Variants in ARSB observed in about 807,000 individuals in gnomAD.
ARSB encodes the protein N-acetylgalactosamine-4-sulfatase.
In ARSB, 41 loss-of-function variants were observed where a neutral mutation model predicts 50.9. That is an observed-to-expected ratio of 0.81 (90% CI 0.63 to 1.04). ARSB has a LOEUF of 1.04. ARSB is among the 50% of genes least tolerant of loss of function. ARSB has a pLI of 0.00. For missense variants in ARSB, 672 were observed against 693.3 expected (o/e 0.97, Z 0.35); for synonymous variants, 269 against 284.8 (o/e 0.94, Z 0.56).
intron 5 of ARSB, among the ~76,000 whole-genome samples, chr5:78,882,403 A>G (rs1747794348): frequency 6.6e-6 from 1 of 152,148 alleles, no homozygotes; most frequent in South Asian, 2.1e-4. Context: ...AGTTTGGGGT[A>G]TTGTTTTTCA....
intron 4 of ARSB, among the ~76,000 whole-genome samples, chr5:78,954,299 A>G (rs1751616089): frequency 6.6e-6 from 1 of 152,034 alleles, no homozygotes. Flanking sequence ...TGATGAATAA[A>G]TGATGATCTA....
intron 5 of ARSB, among the ~76,000 whole-genome samples, chr5:78,882,077 C>CA (rs1192807442): frequency 2.6e-5 from 4 of 152,252 alleles, no homozygotes; most frequent in Non-Finnish European, 5.9e-5. Context: ...TCTGGGCATG[C>CA]ATTCCTTCCT....
At chr5:78,831,593 G>T (rs539030075) in intron 6 of ARSB, among the ~76,000 whole-genome samples, 2 of 152,180 alleles carry the variant, frequency 1.3e-5, no homozygotes, top group East Asian at 3.9e-4. Context: ...GACACAAAGC[G>T]ATGAGACCTG....
intron 6 of ARSB, among the ~76,000 whole-genome samples, chr5:78,783,121 C>T (rs1432705336): frequency 6.6e-6 from 1 of 152,154 alleles, no homozygotes; most frequent in Non-Finnish European, 1.5e-5. Context: ...TTTAAGCCCA[C>T]ATTTATCTGT....
At chr5:78,938,832 T>C (rs1436502170) in intron 4 of ARSB, among the ~76,000 whole-genome samples, 1 of 152,178 alleles carries the variant, frequency 6.6e-6, no homozygotes, top group Non-Finnish European at 1.5e-5. Context: ...GTGCTAAAAG[T>C]TTAGACTCTG....
At chr5:78,868,058 A>T (rs1287530956) in intron 5 of ARSB, among the ~76,000 whole-genome samples, 2 of 141,076 alleles carry the variant, frequency 1.4e-5, no homozygotes, top group African/African-American at 5.4e-5. Flanking sequence ...AAGAAAGGGT[A>T]TCAGCAATGG....
intron 4 of ARSB, among the ~76,000 whole-genome samples, chr5:78,900,712 C>T (rs538791550): frequency 6.6e-6 from 1 of 152,076 alleles, no homozygotes; most frequent in Non-Finnish European, 1.5e-5. Context: ...TGAAATCCTG[C>T]ATTCCTTGAT....
intron 4 of ARSB, 120 bp downstream of exon 4, chr5:78,955,175 T>C (rs536856219): frequency 7.5e-6 from 7 of 928,662 alleles, no homozygotes; most frequent in East Asian, 5.2e-5. Context: ...GTCTCCACTA[T>C]TGCAGTTTGC....
At chr5:78,866,403 G>A (rs1007043479) in intron 5 of ARSB, among the ~76,000 whole-genome samples, 2 of 152,098 alleles carry the variant, frequency 1.3e-5, no homozygotes. Context: ...ACCTCCCACT[G>A]GGTCCCTGCC....
At chr5:78,872,513 G>T (rs1267426433) in intron 5 of ARSB, among the ~76,000 whole-genome samples, 2 of 134,298 alleles carry the variant, frequency 1.5e-5, no homozygotes, top group Non-Finnish European at 1.6e-5. Context: ...CATGTCCTTT[G>T]TAGGGACATG....
At chr5:78,962,266 A>G (rs1752019012) in intron 3 of ARSB, among the ~76,000 whole-genome samples, 2 of 152,228 alleles carry the variant, frequency 1.3e-5, no homozygotes, top group South Asian at 2.1e-4. Context: ...TGCATCCATA[A>G]AATGTCAAAT....
At chr5:78,855,059 G>C (rs944458459) in intron 5 of ARSB, among the ~76,000 whole-genome samples, 32 of 152,124 alleles carry the variant, frequency 2.1e-4, no homozygotes, top group African/African-American at 7.7e-4. Context: ...ACTTCAGGAG[G>C]CTAGTACAGC....
chr5:78,846,635 G>C (rs564132605), intron 5 of ARSB, among the ~76,000 whole-genome samples: 6 of 152,248 alleles, frequency 3.9e-5, no homozygotes, highest in African/African-American at 1.4e-4. Flanking sequence ...TTTATCAGTT[G>C]TAAGAGTTTT....
At chr5:78,904,685 C>CTTTTTTTTTT (rs55920994) in intron 4 of ARSB, among the ~76,000 whole-genome samples, 1 of 98,932 alleles carries the variant, frequency 1.0e-5, no homozygotes, top group African/African-American at 4.1e-5. Context: ...TTCTTTCTTT[C>CTTTTTTTTTT]TTTTTTTTTT....
intron 5 of ARSB, among the ~76,000 whole-genome samples, chr5:78,873,387 G>C (rs549318471): frequency 2.6e-5 from 4 of 151,106 alleles, no homozygotes; most frequent in African/African-American, 9.7e-5. Flanking sequence ...AAGAGGATAC[G>C]AGAGAAATTG....
chr5:78,893,614 T>C (rs1312370154), intron 4 of ARSB, among the ~76,000 whole-genome samples: 2 of 152,228 alleles, frequency 1.3e-5, no homozygotes, highest in Non-Finnish European at 2.9e-5. Flanking sequence ...GAAAACAGTG[T>C]CCTAATTTAT....
At chr5:78,946,171 T>C (rs2112455313) in intron 4 of ARSB, among the ~76,000 whole-genome samples, 1 of 152,336 alleles carries the variant, frequency 6.6e-6, no homozygotes, top group African/African-American at 2.4e-5. Flanking sequence ...CAAACTCTGA[T>C]CATGTTCTAT....
chr5:78,963,649 C>T (rs898731818), intron 3 of ARSB, among the ~76,000 whole-genome samples: 2 of 151,978 alleles, frequency 1.3e-5, no homozygotes, highest in African/African-American at 4.8e-5. Flanking sequence ...TCTAGGTTAA[C>T]AAAATAATCA....
chr5:78,838,534 A>C (rs149316079), intron 6 of ARSB, among the ~76,000 whole-genome samples: 514 of 152,294 alleles, frequency 3.4e-3, no homozygotes, highest in Middle Eastern at 6.8e-3. Flanking sequence ...AAAAACAAAG[A>C]AGTAAGGAGA....
Sources: gnomAD v4.1 joint callset for allele counts (sites outside exome capture counted in the v4.1 genomes callset) on GRCh38, gnomAD v4.1.1 for gene constraint, MANE v1.5 for transcripts, NCBI Gene and HGNC (gene_info 2026-07-23, HGNC 2026-07-21) for gene names.